ITIH5: variants seen among roughly 807,000 people sequenced by gnomAD.
ITIH5 encodes the protein inter-alpha-trypsin inhibitor heavy chain 5.
ITIH5 carries 65 observed loss-of-function variants against 77.5 expected under a neutral mutation model. That is an observed-to-expected ratio of 0.84 (90% confidence interval 0.69 to 1.03). The LOEUF is 1.03. Ranked by LOEUF, ITIH5 falls within the 50% of genes least tolerant of loss-of-function variation. The pLI is 0.00. For missense variants in ITIH5, 1,208 were observed against 1,213.1 expected (o/e 1.00, Z 0.06); for synonymous variants, 525 against 494.3 (o/e 1.06, Z -0.82).
At position 7,626,746 on chromosome 10, in the gene ITIH5, G is replaced by A. The variant is rs114220778; in HGVS notation, c.653-9464C>T. ...TCCTAAATATTGCACAGGACATATC[G>A]TTTCTCTGAATTCAAATGAAACTGG... On this transcript the variant is annotated intron_variant, in intron 5 of 13. Transcript: ENST00000397146. Among the ~76,000 whole-genome samples the A allele has an allele frequency of 6.3e-3, 957 of 152,290 alleles. 18 individuals are homozygous for A. Among genetic ancestry groups the A allele is most frequent in the African/African-American group, 0.022 (902 of 41,552 alleles).
intron 13 of ITIH5, among the ~76,000 whole-genome samples, chr10:7,565,081 T>TAC (rs1332910600): frequency 4.2e-4 from 61 of 146,396 alleles, no homozygotes; most frequent in African/African-American, 1.4e-3. Context: ...TATATATATA[T>TAC]ATACACACAC....
chr10:7,569,617 C>T, intron 12 of ITIH5, 51 bp downstream of exon 12: 2 of 1,154,852 alleles, frequency 1.7e-6, no homozygotes, highest in Non-Finnish European at 2.5e-6. Context: ...GAGGGGGATG[C>T]AGTACCTACC....
In ITIH5 at chr10:7,579,765, G is replaced by A. The variant is rs750184739; in HGVS notation, c.1408C>T (p.Gln470Ter). The A allele has an allele frequency of 2.0e-5, 33 of 1,613,064 alleles. No homozygotes were observed. The highest frequency in any genetic ancestry group is 2.7e-5 in the Non-Finnish European group (32 of 1,179,730). The change falls in exon 9 of 14, where the codon CAG (glutamine) becomes TAG (stop). Residue 470 changes from glutamine (Q) to a stop codon, truncating the protein, a stop_gained. Transcript: ENST00000397146. LOFTEE classifies it high-confidence loss of function. ...AGACAGACCACAGACCCGATGAGCT[G>A]CGAGCCTGCGTCCTCCTCCTCGTGC... ...RVHEEEDAGS[Q>*]LIGFYDEIRT...
intron 2 of ITIH5, among the ~76,000 whole-genome samples, chr10:7,649,484 G>T (rs373911455): frequency 6.6e-6 from 1 of 152,064 alleles, no homozygotes; most frequent in African/African-American, 2.4e-5. Flanking sequence ...GGGGATATAG[G>T]AATGGGTAAG....
At chr10:7,647,456 C>G (rs375529164) in intron 2 of ITIH5, among the ~76,000 whole-genome samples, 4 of 152,234 alleles carry the variant, frequency 2.6e-5, no homozygotes, top group Non-Finnish European at 5.9e-5. Context: ...TCCAGCAACA[C>G]CACAGGCCAG....
intron 5 of ITIH5, among the ~76,000 whole-genome samples, chr10:7,636,701 T>C (rs528533967): frequency 2.6e-5 from 4 of 152,076 alleles, no homozygotes; most frequent in African/African-American, 9.7e-5. Flanking sequence ...TATTATTGCA[T>C]CAATAACTCA....
chr10:7,657,014 T>C (rs1834196672), intron 1 of ITIH5, among the ~76,000 whole-genome samples: 1 of 149,318 alleles, frequency 6.7e-6, no homozygotes, highest in Non-Finnish European at 1.5e-5. Context: ...AGTGCTGGGA[T>C]TACAGGCGTG....
chr10:7,577,979 A>G (rs574417373), intron 9 of ITIH5, among the ~76,000 whole-genome samples: 74 of 152,270 alleles, frequency 4.9e-4, no homozygotes, highest in African/African-American at 1.6e-3. Flanking sequence ...TGTCCTCCCA[A>G]TGGAATATGG....
chr10:7,641,353 G>T (rs1355322683), intron 3 of ITIH5, among the ~76,000 whole-genome samples: 1 of 151,934 alleles, frequency 6.6e-6, no homozygotes, highest in African/African-American at 2.4e-5. Context: ...GGTCTGACTT[G>T]CCATCTTTAT....
intron 5 of ITIH5, among the ~76,000 whole-genome samples, chr10:7,631,555 T>G (rs1169201594): frequency 6.6e-6 from 1 of 152,226 alleles, no homozygotes; most frequent in Non-Finnish European, 1.5e-5. Flanking sequence ...TTACGAAGAC[T>G]GCACCGGCCC....
At chr10:7,578,864 C>T (rs1368155627) in intron 9 of ITIH5, among the ~76,000 whole-genome samples, 3 of 152,198 alleles carry the variant, frequency 2.0e-5, no homozygotes, top group Non-Finnish European at 4.4e-5. Context: ...TTTAAAAGAT[C>T]TGAGTTTTCT....
At chr10:7,566,550 A>AC (rs1430515276) in intron 12 of ITIH5, 143 bp from the exon 13 acceptor site, 4 of 680,844 alleles carry the variant, frequency 5.9e-6, no homozygotes, top group African/African-American at 5.4e-5. Context: ...CAACACAGAG[A>AC]CCCCATCTCT....
At position 7,628,486 on chromosome 10, in the gene ITIH5, G is replaced by C. The variant is rs188142647; in HGVS notation, c.652+8742C>G. Reference sequence around the variant, plus strand: ...TGTATCCGTGCTGCGGCATGTGTCTGTGTTATAGTGTGTATCCATGTTGTA... The same window carrying C: ...TGTATCCGTGCTGCGGCATGTGTCTCTGTTATAGTGTGTATCCATGTTGTA... On this transcript the variant is annotated intron_variant, in intron 5 of 13. Coordinates refer to ENST00000397146, the MANE Select transcript of ITIH5 (RefSeq NM_030569.7). 2.3e-3 allele frequency among the ~76,000 whole-genome samples: 289 copies of C among 124,194 alleles called. 3 individuals are homozygous for C. The highest frequency in any genetic ancestry group is 7.0e-3 in the African/African-American group (274 of 38,930). The allele number at this position is 124,194 out of a possible 152,430, so 81.5% of individuals were successfully genotyped here.
chr10:7,593,075 C>G (rs900962815), intron 7 of ITIH5, among the ~76,000 whole-genome samples: 3 of 152,062 alleles, frequency 2.0e-5, no homozygotes, highest in Non-Finnish European at 4.4e-5. Context: ...CAGAGGGACC[C>G]GCCTAGCTCT....
At chr10:7,586,519 A>G (rs899182330) in intron 7 of ITIH5, among the ~76,000 whole-genome samples, 1 of 152,136 alleles carries the variant, frequency 6.6e-6, no homozygotes, top group Admixed American at 6.5e-5. Context: ...ATGCATTCCT[A>G]TTATAAAGCA....
chr10:7,615,981 C>A lies in ITIH5; in HGVS notation c.939+1G>T, dbSNP rs962689236. The A allele has an allele frequency of 3.2e-6, 5 of 1,572,346 alleles. No homozygotes were observed. Among genetic ancestry groups the A allele is most frequent in the Middle Eastern group, 1.7e-4 (1 of 5,992 alleles). ...TAAATGGGCGGTTGGCACTCACTCACCTGCCGGAGTTTGGTTCCCACCATA... is the reference window on the plus strand; with the variant it reads ...TAAATGGGCGGTTGGCACTCACTCAACTGCCGGAGTTTGGTTCCCACCATA... On this transcript the variant is annotated splice_donor_variant, in intron 7 of 13. Coordinates refer to ENST00000397146, the MANE Select transcript of ITIH5 (RefSeq NM_030569.7). LOFTEE classifies it high-confidence loss of function.
chr10:7,576,376 T>C, intron 10 of ITIH5, 77 bp downstream of exon 10: 3 of 1,258,658 alleles, frequency 2.4e-6, no homozygotes, highest in Non-Finnish European at 3.2e-6. Context: ...AGCTTCCTGC[T>C]GGGGCTTCCT....
intron 5 of ITIH5, among the ~76,000 whole-genome samples, chr10:7,631,379 G>A (rs972771887): frequency 3.3e-5 from 5 of 152,208 alleles, no homozygotes; most frequent in Admixed American, 6.5e-5. Context: ...GTGGAGTTGG[G>A]GTTGGAGCAG....
chr10:7,572,586 T>C lies in ITIH5; in HGVS notation c.2032+556A>G, dbSNP rs536491275. On this transcript the variant is annotated intron_variant, in intron 11 of 13. Transcript: ENST00000397146. ...GCCACCCATCTATTGGGTGGTGCAATATAGCTCACTGCAGCCTCATCGGGT... is the reference window on the plus strand; with the variant it reads ...GCCACCCATCTATTGGGTGGTGCAACATAGCTCACTGCAGCCTCATCGGGT... Among the ~76,000 whole-genome samples the C allele has an allele frequency of 3.1e-4, 47 of 152,124 alleles. No individual in the cohort carries two copies. In the South Asian group the frequency reaches 5.0e-3, roughly 16 times the overall value.
Sources: gnomAD v4.1 joint callset for allele counts (sites outside exome capture counted in the v4.1 genomes callset) on GRCh38, gnomAD v4.1.1 for gene constraint, MANE v1.5 for transcripts, NCBI Gene and HGNC (gene_info 2026-07-23, HGNC 2026-07-21) for gene names.